TTC3: variants seen among roughly 807,000 people sequenced by gnomAD.
TTC3 encodes tetratricopeptide repeat domain 3.
In TTC3, 180 loss-of-function variants were observed where a neutral mutation model predicts 249.6. The ratio of observed to expected loss-of-function variants is 0.72; its 90% CI spans 0.64 to 0.82. The LOEUF (loss-of-function observed/expected upper bound fraction) is 0.82. Ranked by LOEUF, TTC3 falls within the 40% of genes least tolerant of loss-of-function variation. TTC3 has a pLI of 0.00. For synonymous variants in TTC3, 717 were observed against 805.0 expected (o/e 0.89, Z 1.85); for missense variants, 2,061 against 2,398.4 (o/e 0.86, Z 2.94).
Position 37,198,756 on chromosome 21 carries a change from T to G in TTC3, c.5850+731T>G, listed in dbSNP as rs145024068. ...CACTTTGGTATATATTTTTCTAAAC[T>G]CTTGAATGCATGGATATGTGAATTA... On this transcript the variant is annotated intron_variant, in intron 44 of 45. Transcript: ENST00000355666. 1.0e-3 allele frequency among the ~76,000 whole-genome samples: 156 copies of G among 152,342 alleles called. 2 individuals are homozygous for G. The East Asian group carries it at 0.03, about 29-fold the overall frequency.
In TTC3 at chr21:37,138,498, T is replaced by C. The variant is rs184227718; in HGVS notation, c.1579-136T>C. On this transcript the variant is annotated intron_variant, in intron 18 of 45. Coordinates refer to ENST00000355666, the Ensembl canonical transcript of TTC3. ...ATTTGATTTGGCCAATCATATTGAT[T>C]AGTGAGATTTTATGACAATCATTGA... 89 of 607,346 alleles carry C rather than the reference T, an allele frequency of 1.5e-4. 2 individuals are homozygous for C. In the East Asian group the frequency reaches 2.3e-3, roughly 16 times the overall value. 37.6% of individuals were successfully genotyped at this position (607,346 alleles called of 1,614,324 possible).
At chr21:37,100,324 A>G (rs946420805) in intron 10 of TTC3, among the ~76,000 whole-genome samples, 46 of 152,370 alleles carry the variant, frequency 3.0e-4, no homozygotes, top group Non-Finnish European at 1.5e-4. Flanking sequence ...GTAAAACAAA[A>G]TGTAATTAAA....
At chr21:37,075,581 CTT>C (rs368818318) in intron 1 of TTC3, among the ~76,000 whole-genome samples, 26 of 152,322 alleles carry the variant, frequency 1.7e-4, no homozygotes, top group African/African-American at 5.3e-4. Flanking sequence ...TGTTATGAGA[CTT>C]TACATTTTTG....
chr21:37,193,481 A>G (rs1259526780), intron 41 of TTC3, among the ~76,000 whole-genome samples: 1 of 152,234 alleles, frequency 6.6e-6, no homozygotes, highest in Non-Finnish European at 1.5e-5. Flanking sequence ...GAATTACACT[A>G]AAGGGCACTT....
chr21:37,180,476 T>C (rs1332991262), intron 35 of TTC3, among the ~76,000 whole-genome samples: 1 of 151,346 alleles, frequency 6.6e-6, no homozygotes, highest in East Asian at 1.9e-4. Context: ...TGGATGAAAC[T>C]GGAAATCATC....
At chr21:37,193,170 C>T (rs1015970297) in intron 41 of TTC3, among the ~76,000 whole-genome samples, 34 of 152,146 alleles carry the variant, frequency 2.2e-4, no homozygotes, top group African/African-American at 8.2e-4. Flanking sequence ...AGACCTTTGC[C>T]TGGGCTGTTC....
exon 33 of TTC3, chr21:37,165,719 A>G (rs559844675): frequency 1.9e-6 from 3 of 1,613,736 alleles, no homozygotes; most frequent in Admixed American, 1.7e-5. Flanking sequence ...TGACAACTGT[A>G]TTGCACTGAA....
intron 36 of TTC3, among the ~76,000 whole-genome samples, chr21:37,183,893 A>T (rs1292297293): frequency 6.6e-6 from 1 of 152,136 alleles, no homozygotes; most frequent in Non-Finnish European, 1.5e-5. Flanking sequence ...CTTGGTCCAG[A>T]TTCAAGGGCA....
At chr21:37,197,165 GTTAAAA>G (rs1159702374) in intron 42 of TTC3, among the ~76,000 whole-genome samples, 6 of 152,202 alleles carry the variant, frequency 3.9e-5, no homozygotes, top group Non-Finnish European at 5.9e-5. Flanking sequence ...CAATGGGGCA[GTTAAAA>G]TATGATTAGC....
exon 2 of TTC3, chr21:37,087,399 G>A (rs1260002979): frequency 9.3e-6 from 15 of 1,613,436 alleles, no homozygotes; most frequent in Non-Finnish European, 1.3e-5. Flanking sequence ...CTGTGATGGG[G>A]TGGTAAGTAG....
intron 1 of TTC3, chr21:37,082,361 T>A: frequency 2.6e-6 from 1 of 383,446 alleles, no homozygotes; most frequent in Non-Finnish European, 3.6e-6. Flanking sequence ...CTGTTGTCTC[T>A]CCTCAATGTA....
At chr21:37,183,063 TATTC>T in intron 36 of TTC3, 150 bp downstream of exon 36, 1 of 770,324 alleles carries the variant, frequency 1.3e-6, no homozygotes, top group Non-Finnish European at 1.9e-6. Context: ...TTTAAAAAAG[TATTC>T]ATTGAGTAAT....
At chr21:37,112,083 A>G (rs1248884650) in intron 11 of TTC3, among the ~76,000 whole-genome samples, 6 of 152,182 alleles carry the variant, frequency 3.9e-5, no homozygotes, top group East Asian at 1.9e-4. Flanking sequence ...CTAAATGCCC[A>G]CAAGAGAAAG....
chr21:37,150,447 C>T (rs1363700008), intron 24 of TTC3, among the ~76,000 whole-genome samples: 2 of 151,858 alleles, frequency 1.3e-5, no homozygotes, highest in Admixed American at 1.3e-4. Flanking sequence ...TTCTTAATCC[C>T]GGTAAACTTT....
intron 42 of TTC3, among the ~76,000 whole-genome samples, chr21:37,197,092 T>A (rs889330687): frequency 3.9e-5 from 6 of 152,248 alleles, no homozygotes; most frequent in Non-Finnish European, 5.9e-5. Flanking sequence ...CTTTGGCATG[T>A]GCCCTATTAT....
intron 1 of TTC3, among the ~76,000 whole-genome samples, chr21:37,075,941 G>A (rs1031930039): frequency 1.3e-5 from 2 of 151,816 alleles, no homozygotes; most frequent in Admixed American, 1.3e-4. Context: ...TGTAGTATTT[G>A]ATAAATTCAA....
At chr21:37,147,298 C>G (rs1324300603) in intron 21 of TTC3, among the ~76,000 whole-genome samples, 183 bp from the exon 22 acceptor site, 2 of 152,122 alleles carry the variant, frequency 1.3e-5, no homozygotes, top group Non-Finnish European at 2.9e-5. Context: ...TCTCTTATGT[C>G]TCTTATCAGC....
intron 20 of TTC3, among the ~76,000 whole-genome samples, chr21:37,143,652 A>C (rs985524163): frequency 1.3e-5 from 2 of 151,410 alleles, no homozygotes; most frequent in African/African-American, 4.9e-5. Context: ...GTGGGACTGT[A>C]AACTAGTTCA....
intron 5 of TTC3, among the ~76,000 whole-genome samples, chr21:37,089,955 A>T (rs1323502666): frequency 6.6e-6 from 1 of 151,332 alleles, no homozygotes; most frequent in Non-Finnish European, 1.5e-5. Context: ...ACTGCACTCC[A>T]GCCTGGGTGA....
Sources: gnomAD v4.1 joint callset for allele counts (sites outside exome capture counted in the v4.1 genomes callset) on GRCh38, gnomAD v4.1.1 for gene constraint, MANE v1.5 for transcripts, NCBI Gene and HGNC (gene_info 2026-07-23, HGNC 2026-07-21) for gene names.